Variants in TRIM37 observed in about 807,000 individuals in gnomAD.
TRIM37 encodes E3 ubiquitin-protein ligase TRIM37.
In TRIM37, 80 loss-of-function variants were observed where a neutral mutation model predicts 129.8. That is an observed-to-expected ratio of 0.62 (90% CI 0.51 to 0.74). The LOEUF is 0.74. Ranked by LOEUF, TRIM37 falls within the 30% of genes least tolerant of loss-of-function variation. TRIM37 has a pLI of 0.00. For synonymous variants in TRIM37, 389 were observed against 387.1 expected (o/e 1.00, Z -0.06); for missense variants, 1,054 against 1,176.5 (o/e 0.90, Z 1.52).
chr17:59,102,707 G>A (rs754054216), intron 2 of TRIM37, among the ~76,000 whole-genome samples: 5 of 152,090 alleles, frequency 3.3e-5, no homozygotes, highest in African/African-American at 4.8e-5. Flanking sequence ...GGTCTTCTGC[G>A]CATGGTACAG....
rs143459285 is a variant in TRIM37, at chr17:59,017,309, C to A, written c.2373G>T (p.Gln791His). ...CCTCAAATTTACCTTCAGACAGAGT[C>A]TGACAGTCTCCCTTTGAACGACTAT... ...GENSRSKGDC[Q>H]TLSEGSPGSS... The change falls in exon 20 of 24, where the codon CAG (glutamine) becomes CAT (histidine). Residue 791 changes from glutamine to histidine, a missense_variant. Physicochemically the swap from Gln to His is conservative, Grantham distance 24. Coordinates refer to ENST00000262294, the MANE Select transcript of TRIM37 (RefSeq NM_015294.6). The A allele has an allele frequency of 1.2e-6, 2 of 1,614,160 alleles. No homozygotes were observed. Among genetic ancestry groups the A allele is most frequent in the African/African-American group, 2.7e-5 (2 of 75,066 alleles).
intron 12 of TRIM37, 140 bp from the exon 13 acceptor site, chr17:59,057,194 T>A: frequency 1.3e-6 from 1 of 750,136 alleles, no homozygotes; most frequent in Non-Finnish European, 2.1e-6. Context: ...TTTTATCATT[T>A]ATAAAAACAG....
intron 2 of TRIM37, among the ~76,000 whole-genome samples, chr17:59,098,104 TAGAAC>T (rs1176156200): frequency 6.6e-6 from 1 of 152,100 alleles, no homozygotes; most frequent in African/African-American, 2.4e-5. Flanking sequence ...TAGAGACTAA[TAGAAC>T]AGAATAGAGA....
In TRIM37 at chr17:59,056,861, A is replaced by C. The variant is rs1341134166; in HGVS notation, c.1199+14T>G. ...CCCACAATAAAAACCACAACATCAA[A>C]TTTTTCCTGTTACCTTAAAATCACT... is the stretch of plus-strand genomic sequence containing the variant. On this transcript the variant is annotated intron_variant, in intron 13 of 23. Transcript: ENST00000262294. 1 of 1,612,772 alleles carries C rather than the reference A, an allele frequency of 6.2e-7. No individual in the cohort carries two copies. Among genetic ancestry groups the C allele is most frequent in the Admixed American group, 1.7e-5 (1 of 59,976 alleles).
intron 17 of TRIM37, among the ~76,000 whole-genome samples, chr17:59,039,373 G>A (rs1022597168): frequency 7.1e-6 from 1 of 140,590 alleles, no homozygotes; most frequent in Non-Finnish European, 1.5e-5. Flanking sequence ...TTGAGATGGA[G>A]TCTCGCTCTG....
At chr17:58,984,533 T>C (rs1360014901) in intron 24 of TRIM37, 1 of 152,688 alleles carries the variant, frequency 6.5e-6, no homozygotes, top group East Asian at 1.9e-4. Flanking sequence ...TACAGTTTTG[T>C]CCACACTTTA....
At chr17:59,003,866 G>A (rs910347218) in intron 22 of TRIM37, among the ~76,000 whole-genome samples, 14 of 147,030 alleles carry the variant, frequency 9.5e-5, no homozygotes, top group Middle Eastern at 3.6e-3. Context: ...CAGGAGGATC[G>A]CTTGAGCCCA....
intron 8 of TRIM37, among the ~76,000 whole-genome samples, chr17:59,072,850 A>G (rs569061575): frequency 6.6e-5 from 10 of 152,306 alleles, no homozygotes; most frequent in African/African-American, 2.4e-4. Context: ...GCATCAACCA[A>G]TGACATAATG....
At position 58,989,055 on chromosome 17, in the gene TRIM37, T is replaced by G. The variant is rs138592876; in HGVS notation, c.2892-6134A>C. Among the ~76,000 whole-genome samples the G allele has an allele frequency of 4.6e-3, 697 of 152,312 alleles. 7 individuals carry two copies. The highest frequency in any genetic ancestry group is 0.014 in the Middle Eastern group (4 of 294). On this transcript the variant is annotated intron_variant, in intron 24 of 24. Transcript: ENST00000393066. ...AAAGTATCTTGTCCTATGTGAGATG[T>G]GTTGCTATTAACAAAATATATAGAG... is the stretch of plus-strand genomic sequence containing the variant.
downstream of TRIM37, among the ~76,000 whole-genome samples, chr17:58,978,922 C>T (rs1035105403): frequency 4.6e-5 from 7 of 152,066 alleles, no homozygotes; most frequent in Non-Finnish European, 1.0e-4. Flanking sequence ...AGTGTGGTCC[C>T]AAGGTCTGCA....
At chr17:58,984,424 C>T (rs1166569235) in intron 24 of TRIM37, 1 of 152,628 alleles carries the variant, frequency 6.6e-6, no homozygotes, top group East Asian at 1.9e-4. Context: ...CTTGATAAGG[C>T]TTTGTGGGAA....
At chr17:59,026,683 G>A (rs772624787) in intron 19 of TRIM37, among the ~76,000 whole-genome samples, 5 of 152,196 alleles carry the variant, frequency 3.3e-5, no homozygotes, top group Non-Finnish European at 7.3e-5. Flanking sequence ...ACCTCCTCCA[G>A]CTTCTACCCA....
chr17:59,087,028 C>A lies in TRIM37; in HGVS notation c.281+1263G>T, dbSNP rs187584761. On this transcript the variant is annotated intron_variant, in intron 4 of 23. Coordinates refer to ENST00000262294, the MANE Select transcript of TRIM37 (RefSeq NM_015294.6). ...AATTAAATAATTATTTTTGGTGAGACCTCTACAATGCTACAAGTGACAGAA... is the reference window on the plus strand; with the variant it reads ...AATTAAATAATTATTTTTGGTGAGAACTCTACAATGCTACAAGTGACAGAA... Among the ~76,000 whole-genome samples the A allele has an allele frequency of 2.4e-4, 37 of 152,278 alleles. No individual in the cohort carries two copies. The East Asian group carries it at 4.0e-3, about 17-fold the overall frequency.
intron 2 of TRIM37, among the ~76,000 whole-genome samples, chr17:59,101,963 A>T (rs903342681): frequency 1.3e-5 from 2 of 151,526 alleles, no homozygotes; most frequent in Admixed American, 6.6e-5. Context: ...AATAAAAAAT[A>T]AAAAAATCAT....
intron 11 of TRIM37, 131 bp from the exon 12 acceptor site, chr17:59,061,239 C>T (rs1305536315): frequency 1.9e-5 from 14 of 730,286 alleles, no homozygotes; most frequent in Middle Eastern, 6.6e-4. Flanking sequence ...ATTAAAAACA[C>T]CAATAGATTT....
At chr17:59,042,986 AGCTTAAAACACTACATGTAGTGTTAG>A (rs377091947) in intron 16 of TRIM37, among the ~76,000 whole-genome samples, 116 of 152,294 alleles carry the variant, frequency 7.6e-4, no homozygotes, top group African/African-American at 2.7e-3. Context: ...AATGGCAATA[AGCTTAAAACACTACATGTAGTGTTAG>A]GCTTAAAACA....
At position 59,104,387 on chromosome 17, in the gene TRIM37, G is replaced by A. The variant is rs779987594; in HGVS notation, c.29C>T (p.Ala10Val). 13 of 1,613,946 alleles carry A rather than the reference G, an allele frequency of 8.1e-6. No individual in the cohort carries two copies. In the Admixed American group the frequency reaches 1.3e-4, roughly 17 times the overall value. Residue 10 changes from alanine (A) to valine (V), a missense_variant, in exon 2 of 24, where the codon GCT becomes GTT. Physicochemically the swap from Ala to Val is moderately conservative, Grantham distance 64. Around this residue, in one of 3 missense-constraint regions of TRIM37, gnomAD observed 752 missense variants for 870.8 expected, o/e 0.86. Coordinates refer to ENST00000262294, the MANE Select transcript of TRIM37 (RefSeq NM_015294.6). The part of the protein sequence containing the change: MDEQSVESI[A>V]EVFRCFICME... ...ACAAATGAAACATCGGAAAACCTCA[G>A]CAATGCTCTGAAAACAGTAAAAGAT...
At chr17:59,075,018 A>T (rs1011797502) in intron 8 of TRIM37, among the ~76,000 whole-genome samples, 53 of 152,216 alleles carry the variant, frequency 3.5e-4, no homozygotes, top group African/African-American at 1.2e-3. Context: ...GTAACTGGCA[A>T]TAATATCTCA....
chr17:59,039,679 T>A (rs2038945181), intron 17 of TRIM37, among the ~76,000 whole-genome samples: 1 of 152,002 alleles, frequency 6.6e-6, no homozygotes, highest in Non-Finnish European at 1.5e-5. Context: ...TTAAAGCTCT[T>A]CTCTCCAAAT....
Sources: allele counts gnomAD v4.1 joint callset (sites outside exome capture counted in the v4.1 genomes callset), GRCh38; gene constraint gnomAD v4.1.1; regional missense constraint gnomAD v4.1.1; transcripts MANE v1.5; gene names NCBI Gene and HGNC (gene_info 2026-07-23, HGNC 2026-07-21).